TTLL5: variants seen among roughly 807,000 people sequenced by gnomAD.
TTLL5 encodes tubulin polyglutamylase TTLL5.
A neutral mutation model predicts 168.4 loss-of-function variants in TTLL5; 132 were observed. The ratio of observed to expected loss-of-function variants is 0.78; its 90% CI spans 0.68 to 0.91. The LOEUF is 0.91. Among genes scored for constraint, TTLL5 ranks in the 40% least tolerant of loss-of-function variants. The pLI is 0.00. For missense variants in TTLL5, 1,545 were observed against 1,581.5 expected (o/e 0.98, Z 0.39); for synonymous variants, 546 against 558.6 (o/e 0.98, Z 0.32).
At chr14:75,850,802 A>G (rs1896801256) in intron 28 of TTLL5, among the ~76,000 whole-genome samples, 1 of 152,136 alleles carries the variant, frequency 6.6e-6, no homozygotes, top group Admixed American at 6.6e-5. Flanking sequence ...TTGACTTTAA[A>G]TATAATAGAA....
At chr14:75,802,025 GT>G (rs1302452504) in intron 27 of TTLL5, among the ~76,000 whole-genome samples, 1 of 151,756 alleles carries the variant, frequency 6.6e-6, no homozygotes, top group Admixed American at 6.6e-5. Flanking sequence ...CCTCTTACCT[GT>G]TTTCATATTC....
At chr14:75,944,670 AG>A (rs1465143886) in intron 31 of TTLL5, among the ~76,000 whole-genome samples, 3 of 151,876 alleles carry the variant, frequency 2.0e-5, no homozygotes, top group Non-Finnish European at 2.9e-5. Flanking sequence ...CACCACAACC[AG>A]GAATGTCAGG....
intron 5 of TTLL5, among the ~76,000 whole-genome samples, chr14:75,685,803 G>A (rs1298943094): frequency 6.6e-6 from 1 of 152,156 alleles, no homozygotes; most frequent in Non-Finnish European, 1.5e-5. Flanking sequence ...AAAGCATTGA[G>A]GTAATTTGTA....
rs201706328 is a variant in TTLL5, at chr14:75,736,372, ATAC to A, written c.1281+1086_1281+1088del. On this transcript the variant is annotated intron_variant, in intron 15 of 31. Coordinates refer to ENST00000298832, the MANE Select transcript of TTLL5 (RefSeq NM_015072.5). ...GCTATTTTCTGTTTGCGAAATCCAT[ATAC>A]TATTATTTATTCAGATAATTTTTTA... is the stretch of plus-strand genomic sequence containing the variant. Among the ~76,000 whole-genome samples the A allele has an allele frequency of 4.2e-3, 641 of 152,056 alleles. 5 individuals are homozygous for A. The highest frequency in any genetic ancestry group is 0.015 in the African/African-American group (611 of 41,370).
chr14:75,940,075 A>ATTTTTT, intron 31 of TTLL5, among the ~76,000 whole-genome samples: 2 of 128,538 alleles, frequency 1.6e-5, no homozygotes, highest in African/African-American at 5.9e-5. Context: ...AAGAAATTAA[A>ATTTTTT]TCTTTTTTTT....
chr14:75,869,821 A>ATT lies in TTLL5; in HGVS notation c.3522+5974_3522+5975dup, dbSNP rs10658095. ...CTTGCAATGTATACATTCAACAAGT[A>ATT]TTTTTTTTTTTTTTTTGCGATGGAG... On this transcript the variant is annotated intron_variant, in intron 29 of 31. Coordinates refer to ENST00000298832, the MANE Select transcript of TTLL5 (RefSeq NM_015072.5). 1.5e-4 allele frequency among the ~76,000 whole-genome samples: 12 copies of ATT among 82,414 alleles called. 1 individual carries two copies. The highest frequency in any genetic ancestry group is 2.1e-4 in the Non-Finnish European group (10 of 47,290). The allele number at this position is 82,414 out of a possible 152,430, so 54.1% of individuals were successfully genotyped here.
At chr14:75,833,272 A>G (rs960823882) in intron 28 of TTLL5, among the ~76,000 whole-genome samples, 7 of 151,758 alleles carry the variant, frequency 4.6e-5, no homozygotes, top group Admixed American at 2.0e-4. Flanking sequence ...ATATTTCAAG[A>G]CTCTGCTGTT....
chr14:75,697,369 A>AG (rs1885947190), intron 6 of TTLL5, among the ~76,000 whole-genome samples: 1 of 152,202 alleles, frequency 6.6e-6, no homozygotes, highest in Admixed American at 6.5e-5. Context: ...GTAGAACTAG[A>AG]GGATATAGTT....
At chr14:75,728,681 A>ATCT (rs1260140254) in intron 12 of TTLL5, among the ~76,000 whole-genome samples, 1 of 151,628 alleles carries the variant, frequency 6.6e-6, no homozygotes, top group Non-Finnish European at 1.5e-5. Flanking sequence ...TATTATCATC[A>ATCT]TCATCATCAT....
chr14:75,866,426 T>A (rs1036493626), intron 29 of TTLL5, among the ~76,000 whole-genome samples: 4 of 151,952 alleles, frequency 2.6e-5, no homozygotes, highest in African/African-American at 9.7e-5. Context: ...TAACTGCCTG[T>A]TTGAAAGCAG....
intron 7 of TTLL5, among the ~76,000 whole-genome samples, chr14:75,699,786 G>A (rs2140156415): frequency 6.6e-6 from 1 of 151,978 alleles, no homozygotes; most frequent in South Asian, 2.1e-4. Flanking sequence ...TCAAAAGCCA[G>A]CAATATCTTG....
Position 75,662,336 on chromosome 14 carries a change from T to G in TTLL5, c.-95-719T>G, listed in dbSNP as rs892700990. Among the ~76,000 whole-genome samples the G allele has an allele frequency of 2.0e-5, 3 of 151,726 alleles. No homozygotes were observed. In the South Asian group the frequency reaches 6.2e-4, roughly 32 times the overall value. On this transcript the variant is annotated intron_variant, in intron 1 of 31. Transcript: ENST00000298832. Reference sequence around the variant, plus strand: ...TGGCAGGGGTTTTTTGTTGTTTTTTTTTTTTTGAGACGGAGTTCACTCTTG... The same window carrying G: ...TGGCAGGGGTTTTTTGTTGTTTTTTGTTTTTTGAGACGGAGTTCACTCTTG...
intron 29 of TTLL5, among the ~76,000 whole-genome samples, chr14:75,873,540 A>G (rs2031220132): frequency 1.3e-5 from 2 of 152,166 alleles, no homozygotes; most frequent in Admixed American, 6.5e-5. Context: ...ACTTAGCATA[A>G]TGTCTTCAAG....
intron 28 of TTLL5, among the ~76,000 whole-genome samples, chr14:75,824,731 T>G (rs1190082272): frequency 6.6e-6 from 1 of 152,054 alleles, no homozygotes; most frequent in East Asian, 1.9e-4. Context: ...TTATGTGTTT[T>G]TTTTTTTTTT....
At chr14:75,765,916 G>A in intron 19 of TTLL5, 146 bp from the exon 20 acceptor site, 1 of 604,304 alleles carries the variant, frequency 1.7e-6, no homozygotes, top group Non-Finnish European at 2.9e-6. Context: ...TGAGATTAGA[G>A]AGTGACATGT....
At chr14:75,860,202 C>A (rs955018978) in intron 28 of TTLL5, among the ~76,000 whole-genome samples, 4 of 152,254 alleles carry the variant, frequency 2.6e-5, no homozygotes, top group Non-Finnish European at 4.4e-5. Context: ...CTTCTCTTGC[C>A]CACTGTCCTA....
At chr14:75,761,109 A>G (rs1291161587) in intron 18 of TTLL5, among the ~76,000 whole-genome samples, 1 of 152,188 alleles carries the variant, frequency 6.6e-6, no homozygotes, top group Admixed American at 6.5e-5. Context: ...AAGATATATG[A>G]GTAGCCAATA....
At chr14:75,767,163 TAAA>T (rs11301063) in intron 20 of TTLL5, among the ~76,000 whole-genome samples, 32 of 140,490 alleles carry the variant, frequency 2.3e-4, no homozygotes, top group Non-Finnish European at 1.8e-4. Context: ...AACTCCATCT[TAAA>T]AAAAAAAAAA....
chr14:75,948,201 T>C (rs2034838450), intron 31 of TTLL5, among the ~76,000 whole-genome samples: 1 of 151,970 alleles, frequency 6.6e-6, no homozygotes, highest in South Asian at 2.1e-4. Flanking sequence ...AAAATCATAA[T>C]TGGCGGGGCA....
Sources: gnomAD v4.1 joint callset for allele counts (sites outside exome capture counted in the v4.1 genomes callset) on GRCh38, gnomAD v4.1.1 for gene constraint, MANE v1.5 for transcripts, NCBI Gene and HGNC (gene_info 2026-07-23, HGNC 2026-07-21) for gene names.